GGTA1: variants seen among roughly 807,000 people sequenced by gnomAD.
GGTA1 encodes the protein glycoprotein alpha-galactosyltransferase 1 (inactive).
In GGTA1, 5 loss-of-function variants were observed where a neutral mutation model predicts 2.6. That is an observed-to-expected ratio of 1.92 (90% CI 1.00 to 4.04). The LOEUF (loss-of-function observed/expected upper bound fraction) is 4.04. Among genes scored for constraint, GGTA1 ranks in the 30% most tolerant of loss-of-function variants. The pLI, the probability that GGTA1 is intolerant of heterozygous loss-of-function variation, is 0.00. For synonymous variants in GGTA1, 17 were observed against 5.0 expected, an observed-to-expected ratio of 3.38 and a Z score of -3.19; for missense variants, 50 against 16.7, an observed-to-expected ratio of 2.99 and a Z score of -3.47.
At chr9:121,486,304 A>C (rs1013237938) in intron 1 of GGTA1, among the ~76,000 whole-genome samples, 5 of 152,238 alleles carry the variant, frequency 3.3e-5, no homozygotes, top group Admixed American at 2.6e-4. Flanking sequence ...CACTGTTGCT[A>C]TCTGGCTGGA....
chr9:121,464,331 T>TTG (rs1301896198), intron 2 of GGTA1, among the ~76,000 whole-genome samples: 1 of 147,050 alleles, frequency 6.8e-6, no homozygotes, highest in Non-Finnish European at 1.5e-5. Flanking sequence ...GAGGTTTTTT[T>TTG]TTTTTTTTTT....
chr9:121,496,793 A>G (rs1829005272), intron 1 of GGTA1, among the ~76,000 whole-genome samples: 1 of 146,330 alleles, frequency 6.8e-6, no homozygotes, highest in South Asian at 2.3e-4. Context: ...CCTAGGGGGC[A>G]GAGATTGCAG....
chr9:121,467,161 G>A (rs979326435), intron 2 of GGTA1, among the ~76,000 whole-genome samples: 5 of 152,084 alleles, frequency 3.3e-5, no homozygotes, highest in Non-Finnish European at 7.4e-5. Flanking sequence ...GCATTTCTGT[G>A]GCTGCTTGTG....
chr9:121,489,059 A>G lies in GGTA1; in HGVS notation c.-10+10591T>C, dbSNP rs1828819237. Among the ~76,000 whole-genome samples the G allele has an allele frequency of 4.6e-5, 7 of 152,178 alleles. No homozygotes were observed. The South Asian group carries it at 1.4e-3, about 32-fold the overall frequency. ...GTTGGTTCATGCTGGCTTGCATGTT[A>G]AATTTTCAAGAATTTGGTAACCCAG... On this transcript the variant is annotated intron_variant, in intron 1 of 5. Coordinates refer to ENST00000481799, the MANE Select transcript of GGTA1 (RefSeq NM_001382585.1).
chr9:121,499,618 C>T (rs1829063040), intron 1 of GGTA1, 32 bp downstream of exon 1: 1 of 152,376 alleles, frequency 6.6e-6, no homozygotes, highest in Non-Finnish European at 1.5e-5. Context: ...TCGTGGCCTC[C>T]GGGGACCTGG....
chr9:121,469,290 C>A (rs971478470), intron 1 of GGTA1, among the ~76,000 whole-genome samples: 50 of 152,218 alleles, frequency 3.3e-4, no homozygotes, highest in African/African-American at 1.0e-3. Context: ...ATTTTGGGAG[C>A]AGCATATGTA....
chr9:121,487,634 C>T (rs993796131), intron 1 of GGTA1, among the ~76,000 whole-genome samples: 4 of 151,282 alleles, frequency 2.6e-5, no homozygotes, highest in Admixed American at 6.6e-5. Flanking sequence ...AGAACCAGCG[C>T]ACTAGCGCCC....
chr9:121,483,568 G>A (rs1828698319), intron 1 of GGTA1, among the ~76,000 whole-genome samples: 1 of 152,158 alleles, frequency 6.6e-6, no homozygotes, highest in Non-Finnish European at 1.5e-5. Flanking sequence ...CTGTCCAGAG[G>A]CTGCCCAGGT....
downstream of GGTA1, among the ~76,000 whole-genome samples, chr9:121,452,919 C>T (rs191675260): frequency 1.3e-5 from 2 of 152,322 alleles, no homozygotes; most frequent in Non-Finnish European, 2.9e-5. Flanking sequence ...ACTTCTAAAT[C>T]CCTTTCCCTA....
chr9:121,461,197 C>CA (rs2064957946), intron 4 of GGTA1, 55 bp downstream of exon 4: 2 of 442,814 alleles, frequency 4.5e-6, no homozygotes, highest in Non-Finnish European at 9.0e-6. Flanking sequence ...GTGTGTGGAC[C>CA]CTCTGCAAGC....
chr9:121,462,343 A>G (rs981425849), intron 3 of GGTA1, among the ~76,000 whole-genome samples: 6 of 150,770 alleles, frequency 4.0e-5, no homozygotes, highest in Admixed American at 2.6e-4. Flanking sequence ...AAAAAAAAAT[A>G]AAAAGAAAAG....
intron 1 of GGTA1, among the ~76,000 whole-genome samples, chr9:121,478,004 G>C (rs529844716): frequency 6.6e-6 from 1 of 151,980 alleles, no homozygotes; most frequent in South Asian, 2.1e-4. Context: ...GAGTCTCTTA[G>C]TTAAGCCCCA....
At chr9:121,461,719 A>G (rs549672811) in intron 3 of GGTA1, among the ~76,000 whole-genome samples, 1 of 152,372 alleles carries the variant, frequency 6.6e-6, no homozygotes, top group South Asian at 2.1e-4. Context: ...CTAATAACAG[A>G]CCTACCATGA....
At chr9:121,490,395 G>T (rs978503476) in intron 1 of GGTA1, among the ~76,000 whole-genome samples, 2 of 152,170 alleles carry the variant, frequency 1.3e-5, no homozygotes, top group African/African-American at 2.4e-5. Context: ...TCCCCAGAAG[G>T]CTTTTGCCCT....
At chr9:121,453,031 G>A (rs762063828), downstream of GGTA1, among the ~76,000 whole-genome samples, 7 of 152,206 alleles carry the variant, frequency 4.6e-5, no homozygotes, top group East Asian at 1.9e-4. Context: ...TGATAAAGGC[G>A]GATGAGAGAG....
chr9:121,480,550 A>T (rs1322906637), intron 1 of GGTA1, among the ~76,000 whole-genome samples: 1 of 152,106 alleles, frequency 6.6e-6, no homozygotes, highest in Non-Finnish European at 1.5e-5. Context: ...GAAACCCCAG[A>T]CTAAAGACAG....
At chr9:121,470,551 G>A (rs1828366965) in intron 1 of GGTA1, among the ~76,000 whole-genome samples, 1 of 152,218 alleles carries the variant, frequency 6.6e-6, no homozygotes, top group Non-Finnish European at 1.5e-5. Flanking sequence ...ATGGAAGGTA[G>A]TTAATGTGAA....
chr9:121,489,889 A>C (rs1828840605), intron 1 of GGTA1, among the ~76,000 whole-genome samples: 2 of 152,182 alleles, frequency 1.3e-5, no homozygotes, highest in African/African-American at 4.8e-5. Flanking sequence ...TTAGTGAAGG[A>C]AGTCTGGGAT....
At chr9:121,467,601 A>T (rs1220213510) in intron 2 of GGTA1, among the ~76,000 whole-genome samples, 3 of 152,210 alleles carry the variant, frequency 2.0e-5, no homozygotes, top group African/African-American at 7.2e-5. Flanking sequence ...GCCTACTGTT[A>T]CAAAAATTAT....
Sources: allele counts gnomAD v4.1 joint callset (sites outside exome capture counted in the v4.1 genomes callset), GRCh38; gene constraint gnomAD v4.1.1; transcripts MANE v1.5; gene names NCBI Gene and HGNC (gene_info 2026-07-23, HGNC 2026-07-21).